The following RAB40C variants were observed in gnomAD, a reference collection of about 807,000 sequenced individuals.
RAB40C encodes the protein RAB40C, member RAS oncogene family.
Under a neutral mutation model 28.1 loss-of-function variants are expected in RAB40C, and 8 were observed. The observed-to-expected ratio is 0.28, with a 90% CI of 0.17 to 0.51. The LOEUF (loss-of-function observed/expected upper bound fraction) is 0.51. Among genes scored for constraint, RAB40C ranks in the 20% least tolerant of loss-of-function variants. The pLI is 0.97. For synonymous variants in RAB40C, 201 were observed against 171.7 expected, an observed-to-expected ratio of 1.17 and a Z score of -1.34; for missense variants, 288 against 405.9, an observed-to-expected ratio of 0.71 and a Z score of 2.50.
At chr16:594,531 C>A (rs2036070254) in intron 1 of RAB40C, among the ~76,000 whole-genome samples, 1 of 152,224 alleles carries the variant, frequency 6.6e-6, no homozygotes, top group Non-Finnish European at 1.5e-5. Context: ...CAAACAGTTA[C>A]AAACGTTTCT....
intron 1 of RAB40C, chr16:616,847 G>A (rs1026901570): frequency 7.5e-6 from 2 of 265,444 alleles, no homozygotes; most frequent in Non-Finnish European, 1.5e-5. Flanking sequence ...GCCCTCTGAG[G>A]GAGAGGCCCT....
chr16:604,021 G>A (rs894349376), intron 1 of RAB40C, among the ~76,000 whole-genome samples: 6 of 151,578 alleles, frequency 4.0e-5, no homozygotes, highest in Admixed American at 6.6e-5. Flanking sequence ...GGGGTATTAC[G>A]AATAATGCTG....
At chr16:615,814 T>TA in intron 1 of RAB40C, among the ~76,000 whole-genome samples, 1 of 151,992 alleles carries the variant, frequency 6.6e-6, no homozygotes, top group Middle Eastern at 3.4e-3. Context: ...TTATAAAAAT[T>TA]AGCCGGCTGT....
intron 3 of RAB40C, among the ~76,000 whole-genome samples, chr16:619,426 T>G (rs2036664669): frequency 6.6e-6 from 1 of 152,174 alleles, no homozygotes; most frequent in Non-Finnish European, 1.5e-5. Flanking sequence ...CCACCCTCGT[T>G]TCTGTCTCCT....
At chr16:589,791 C>T (rs1270650302), upstream of RAB40C, 1 of 152,290 alleles carries the variant, frequency 6.6e-6, no homozygotes, top group Non-Finnish European at 1.5e-5. Flanking sequence ...CAGGCGTCCG[C>T]TGTCTCCGCA....
intron 1 of RAB40C, among the ~76,000 whole-genome samples, chr16:598,464 G>A (rs1402649774): frequency 6.6e-6 from 1 of 151,684 alleles, no homozygotes; most frequent in Non-Finnish European, 1.5e-5. Flanking sequence ...GGGAGGCTGA[G>A]GCAGGAGAAT....
At chr16:622,210 G>A (rs1490630283) in intron 3 of RAB40C, among the ~76,000 whole-genome samples, 5 of 152,200 alleles carry the variant, frequency 3.3e-5, no homozygotes, top group Admixed American at 6.5e-5. Context: ...GGAATTTATC[G>A]TGTAGGTCGA....
At chr16:592,217 A>G (rs1159823047) in intron 1 of RAB40C, among the ~76,000 whole-genome samples, 1 of 152,104 alleles carries the variant, frequency 6.6e-6, no homozygotes, top group African/African-American at 2.4e-5. Flanking sequence ...GTCCTGTCTG[A>G]CTGCCCTGAG....
intron 1 of RAB40C, 180 bp from the exon 2 acceptor site, chr16:617,028 G>A: frequency 1.5e-6 from 1 of 656,036 alleles, no homozygotes; most frequent in South Asian, 1.8e-5. Flanking sequence ...GAAGTGGGCA[G>A]GCCTGGGTTG....
At position 592,761 on chromosome 16, in the gene RAB40C, G is replaced by A. The variant is rs564829093; in HGVS notation, c.142+2328G>A. On this transcript the variant is annotated intron_variant, in intron 1 of 5. Transcript: ENST00000248139. ...CGGTGTTTTCCCAGGACATGAAGGC[G>A]TGCTTCTGAGGGCCGGCTCAGCCAT... 2.1e-3 allele frequency among the ~76,000 whole-genome samples: 319 copies of A among 152,372 alleles called. 1 individual carries two copies. Among genetic ancestry groups the A allele is most frequent in the Middle Eastern group, 6.8e-3 (2 of 294 alleles).
chr16:626,684 T>A (rs1312983075), intron 5 of RAB40C, among the ~76,000 whole-genome samples: 3 of 152,178 alleles, frequency 2.0e-5, no homozygotes, highest in Non-Finnish European at 2.9e-5. Context: ...ACTCCTGTAA[T>A]CCCAGCACTT....
intron 4 of RAB40C, 66 bp from the exon 5 acceptor site, chr16:625,833 C>T: frequency 7.0e-7 from 1 of 1,426,264 alleles, no homozygotes; most frequent in Non-Finnish European, 9.6e-7. Context: ...TGAGGGCGGG[C>T]CCTGCTGCGG....
intron 1 of RAB40C, among the ~76,000 whole-genome samples, chr16:606,997 C>G (rs12149324): frequency 0.18 from 27,755 of 152,160 alleles, 2,731 homozygotes; most frequent in South Asian, 0.26. Context: ...CCCAGACAGA[C>G]AGACTACCAC....
chr16:610,026 C>A lies in RAB40C; in HGVS notation c.143-7182C>A, dbSNP rs2036450689. On this transcript the variant is annotated intron_variant, in intron 1 of 5. Transcript: ENST00000248139. The surrounding 1 kb of genome is among the most constrained non-coding windows in gnomAD (Gnocchi z 4.6). The stretch of plus-strand genomic sequence containing the variant: ...GGGAGGGTGGGGATGTGAACGGCAC[C>A]AGCCTGGTGGCTCGGGTGCCAGGCC... Among the ~76,000 whole-genome samples the A allele has an allele frequency of 6.6e-6, 1 of 152,208 alleles. No homozygotes were observed. Among genetic ancestry groups the A allele is most frequent in the South Asian group, 2.1e-4 (1 of 4,832 alleles).
intron 3 of RAB40C, 93 bp from the exon 4 acceptor site, chr16:625,339 C>T: frequency 6.5e-7 from 1 of 1,547,032 alleles, no homozygotes. Context: ...TTGGCCCTGC[C>T]CGGGAACTGA....
chr16:605,648 C>T lies in RAB40C; in HGVS notation c.143-11560C>T, dbSNP rs11641903. ...AGTGCAGTTGCTCCCTCCTTCCCCG[C>T]GCCGAGTGGTCTCCCGTGTGTCAAG... On this transcript the variant is annotated intron_variant, in intron 1 of 5. Transcript: ENST00000248139. Among the ~76,000 whole-genome samples, 752 of 152,336 alleles carry T rather than the reference C, an allele frequency of 4.9e-3. 5 individuals carry two copies. Among genetic ancestry groups the T allele is most frequent in the Non-Finnish European group, 8.1e-3 (551 of 68,032 alleles).
intron 1 of RAB40C, among the ~76,000 whole-genome samples, chr16:609,563 A>G (rs2036438202): frequency 6.6e-6 from 1 of 152,106 alleles, no homozygotes; most frequent in Admixed American, 6.5e-5. Context: ...GAATGTGAGG[A>G]AAGACCCAGA....
intron 1 of RAB40C, among the ~76,000 whole-genome samples, chr16:593,498 C>A (rs1304032004): frequency 6.6e-6 from 1 of 152,234 alleles, no homozygotes; most frequent in Non-Finnish European, 1.5e-5. Flanking sequence ...GGCAGGGAGG[C>A]CCCTTCTGTG....
chr16:627,520 G>A lies in RAB40C; in HGVS notation c.744G>A (p.Gly248=), dbSNP rs780137154. The change falls in exon 6 of 6, where the codon GGG becomes GGA. Residue 248 remains glycine (G), a synonymous_variant. Coordinates refer to ENST00000248139, the MANE Select transcript of RAB40C (RefSeq NM_021168.5). ...GRSYSLASGA[G]GGGSKGNSLK... ...CCTACTCCCTGGCCAGCGGGGCCGGGGGCGGCGGCAGCAAGGGCAACAGCC... is the reference window on the plus strand; with the variant it reads ...CCTACTCCCTGGCCAGCGGGGCCGGAGGCGGCGGCAGCAAGGGCAACAGCC... 2.5e-6 allele frequency: 4 copies of A among 1,613,706 alleles called. No individual in the cohort carries two copies. In the Admixed American group the frequency reaches 6.7e-5, roughly 27 times the overall value.
Sources: allele counts gnomAD v4.1 joint callset (sites outside exome capture counted in the v4.1 genomes callset), GRCh38; gene constraint gnomAD v4.1.1; non-coding constraint Gnocchi (gnomAD v3.1); transcripts MANE v1.5; gene names NCBI Gene and HGNC (gene_info 2026-07-23, HGNC 2026-07-21).